The following SFXN5 variants were observed in gnomAD, a reference collection of about 807,000 sequenced individuals.
SFXN5 encodes sideroflexin-5.
Under a neutral mutation model 50.2 loss-of-function variants are expected in SFXN5, and 43 were observed. The ratio of observed to expected loss-of-function variants is 0.86; its 90% CI spans 0.67 to 1.11. The LOEUF is 1.11. SFXN5 is among the 50% of genes least tolerant of loss of function. The pLI is 0.00. For synonymous variants in SFXN5, 203 were observed against 185.8 expected (o/e 1.09, Z -0.75); for missense variants, 463 against 454.1 (o/e 1.02, Z -0.18).
chr2:73,022,304 C>T (rs1009935441), intron 5 of SFXN5, among the ~76,000 whole-genome samples: 5 of 152,320 alleles, frequency 3.3e-5, no homozygotes, highest in Middle Eastern at 3.4e-3. Flanking sequence ...TCCACCCCAA[C>T]TGCTCAGGCA....
At chr2:73,054,972 C>G (rs887822192) in intron 2 of SFXN5, among the ~76,000 whole-genome samples, 2 of 152,250 alleles carry the variant, frequency 1.3e-5, no homozygotes, top group African/African-American at 4.8e-5. Context: ...CTTTGTCCTT[C>G]TGAGATGCAG....
intron 6 of SFXN5, among the ~76,000 whole-genome samples, chr2:73,012,628 TA>T (rs112630534): frequency 0.062 from 9,242 of 149,638 alleles, 930 homozygotes; most frequent in African/African-American, 0.21. Context: ...AATATTGTTC[TA>T]AAGGGTATTC....
intron 3 of SFXN5, among the ~76,000 whole-genome samples, chr2:73,035,361 G>GT (rs1302616645): frequency 1.3e-5 from 2 of 151,924 alleles, no homozygotes; most frequent in East Asian, 1.9e-4. Context: ...CCATGGTTTT[G>GT]TTTTTTTAAC....
At chr2:72,971,733 T>C (rs751075064) in intron 10 of SFXN5, 48 bp from the exon 11 acceptor site, 1 of 1,464,038 alleles carries the variant, frequency 6.8e-7, no homozygotes, top group Non-Finnish European at 9.6e-7. Context: ...GAAGATGGCA[T>C]TCCACCTGGA....
intron 6 of SFXN5, among the ~76,000 whole-genome samples, chr2:73,017,513 T>C (rs1327631327): frequency 6.6e-6 from 1 of 152,212 alleles, no homozygotes; most frequent in Non-Finnish European, 1.5e-5. Flanking sequence ...ATAGGATACT[T>C]TCTAAGGACA....
Position 73,069,302 on chromosome 2 carries a change from G to A in SFXN5, c.102+2302C>T, listed in dbSNP as rs190634367. On this transcript the variant is annotated intron_variant, in intron 1 of 13. Coordinates refer to ENST00000272433, the MANE Select transcript of SFXN5 (RefSeq NM_144579.3). ...GCAGTGACCCAGGAAATAGACGATG[G>A]GGGCTTGGTCTAGGATTCTGGCAGT... Among the ~76,000 whole-genome samples, 9 of 152,274 alleles carry A rather than the reference G, an allele frequency of 5.9e-5. No homozygotes were observed. The East Asian group carries it at 1.7e-3, about 29-fold the overall frequency.
chr2:72,993,476 AC>A (rs1448251491), intron 9 of SFXN5, among the ~76,000 whole-genome samples: 7 of 152,200 alleles, frequency 4.6e-5, no homozygotes, highest in Non-Finnish European at 7.4e-5. Flanking sequence ...ACCAATCCTG[AC>A]CCCTGAACCA....
At chr2:73,020,558 A>G (rs890555529) in intron 5 of SFXN5, among the ~76,000 whole-genome samples, 19 of 151,648 alleles carry the variant, frequency 1.3e-4, no homozygotes, top group African/African-American at 4.1e-4. Context: ...GGGCACCACC[A>G]CTCCACACTT....
intron 13 of SFXN5, among the ~76,000 whole-genome samples, chr2:72,951,408 C>T (rs1221862255): frequency 6.6e-6 from 1 of 152,208 alleles, no homozygotes; most frequent in African/African-American, 2.4e-5. Context: ...AGCACCTTCC[C>T]TTGTGGTGTG....
At chr2:72,954,704 A>T (rs554635131) in intron 13 of SFXN5, among the ~76,000 whole-genome samples, 2 of 152,220 alleles carry the variant, frequency 1.3e-5, no homozygotes, top group South Asian at 2.1e-4. Flanking sequence ...GCCATAAGAC[A>T]CGTTCCCAGG....
At chr2:72,990,087 C>A (rs921661610) in intron 9 of SFXN5, among the ~76,000 whole-genome samples, 57 of 152,234 alleles carry the variant, frequency 3.7e-4, no homozygotes, top group Non-Finnish European at 1.2e-4. Flanking sequence ...CAGAAACAGC[C>A]CAGCCCAGGC....
chr2:72,967,924 A>C (rs1674635237), intron 12 of SFXN5, among the ~76,000 whole-genome samples: 1 of 152,196 alleles, frequency 6.6e-6, no homozygotes. Flanking sequence ...ATGAGTGCTT[A>C]GAACATCCCT....
At chr2:73,012,735 G>A (rs1443606393) in intron 6 of SFXN5, among the ~76,000 whole-genome samples, 1 of 148,146 alleles carries the variant, frequency 6.8e-6, no homozygotes. Flanking sequence ...TAATACAGGT[G>A]TTAAGAAAGG....
At chr2:73,001,599 A>G (rs765123625) in intron 6 of SFXN5, 21 bp from the exon 7 acceptor site, 7 of 1,613,686 alleles carry the variant, frequency 4.3e-6, no homozygotes, top group Non-Finnish European at 5.1e-6. Flanking sequence ...GAGAGAAGAA[A>G]TGCTGAAAAA....
chr2:72,974,344 C>A (rs993124007), intron 10 of SFXN5, among the ~76,000 whole-genome samples: 72 of 152,306 alleles, frequency 4.7e-4, no homozygotes, highest in African/African-American at 1.7e-3. Context: ...AAACATTAAA[C>A]ATGCGGCGAG....
chr2:72,994,657 C>T lies in SFXN5; in HGVS notation c.534+4292G>A, dbSNP rs2105632733. On this transcript the variant is annotated intron_variant, in intron 9 of 13. Coordinates refer to ENST00000272433, the MANE Select transcript of SFXN5 (RefSeq NM_144579.3). ...AGCCCCACGTCCACCCTCATTCAGG[C>T]CCCTTGTCCATGAGGGTGGCCCCAC... Among the ~76,000 whole-genome samples the T allele has an allele frequency of 1.3e-5, 2 of 152,180 alleles. 1 individual carries two copies. Among genetic ancestry groups the T allele is most frequent in the East Asian group, 3.9e-4 (2 of 5,156 alleles).
chr2:72,957,683 C>G (rs1044639360), intron 13 of SFXN5, among the ~76,000 whole-genome samples: 36 of 152,366 alleles, frequency 2.4e-4, no homozygotes, highest in African/African-American at 8.4e-4. Flanking sequence ...CCCTGTATGG[C>G]AGAAGAAGCA....
intron 2 of SFXN5, among the ~76,000 whole-genome samples, chr2:73,054,182 CAGG>C (rs1681780075): frequency 6.6e-6 from 1 of 152,136 alleles, no homozygotes; most frequent in Admixed American, 6.5e-5. Flanking sequence ...AAAAGGCCAG[CAGG>C]TAGTCCTGGA....
chr2:73,023,186 A>G lies in SFXN5; in HGVS notation c.276+2T>C, dbSNP rs757667917. 79 of 1,603,034 alleles carry G rather than the reference A, an allele frequency of 4.9e-5. No individual in the cohort carries two copies. The highest frequency in any genetic ancestry group is 6.6e-5 in the Non-Finnish European group (78 of 1,174,160). ...GAAATAGAGAATCCAAAACTGGATT[A>G]CCTGCTTGATTTTCTGTGCACTCCA... On this transcript the variant is annotated splice_donor_variant, in intron 4 of 13. Transcript: ENST00000272433. LOFTEE classifies it high-confidence loss of function.
Sources: allele counts gnomAD v4.1 joint callset (sites outside exome capture counted in the v4.1 genomes callset), GRCh38; gene constraint gnomAD v4.1.1; transcripts MANE v1.5; gene names NCBI Gene and HGNC (gene_info 2026-07-23, HGNC 2026-07-21).